ELP3: variants seen among roughly 807,000 people sequenced by gnomAD.
The protein encoded by ELP3 is elongator complex protein 3.
In ELP3, 56 loss-of-function variants were observed where a neutral mutation model predicts 74.9. The observed-to-expected ratio is 0.75, with a 90% CI of 0.60 to 0.93. The LOEUF (loss-of-function observed/expected upper bound fraction) is 0.93. Ranked by LOEUF, ELP3 falls within the 40% of genes least tolerant of loss-of-function variation. The pLI, the probability that ELP3 is intolerant of heterozygous loss-of-function variation, is 0.00. For missense variants in ELP3, 573 were observed against 686.5 expected (o/e 0.83, Z 1.85); for synonymous variants, 222 against 239.8 (o/e 0.93, Z 0.68).
At position 28,122,799 on chromosome 8, in the gene ELP3, A is replaced by G. The variant is rs552608961; in HGVS notation, c.618-6703A>G. 3.3e-5 allele frequency among the ~76,000 whole-genome samples: 5 copies of G among 152,070 alleles called. No individual in the cohort carries two copies. In the East Asian group the frequency reaches 7.7e-4, roughly 24 times the overall value. ...TTTTTATTCTACTTTCTTTCCGTTT[A>G]ATTGCTCTTCTTTTTCTAGTGATTT... On this transcript the variant is annotated intron_variant, in intron 7 of 14. Coordinates refer to ENST00000256398, the MANE Select transcript of ELP3 (RefSeq NM_018091.6).
intron 12 of ELP3, 137 bp downstream of exon 12, chr8:28,158,770 C>T (rs907349352): frequency 2.4e-5 from 17 of 695,106 alleles, no homozygotes; most frequent in South Asian, 4.1e-5. Flanking sequence ...GATTAGATAC[C>T]GGTGTCAAAC....
intron 7 of ELP3, among the ~76,000 whole-genome samples, chr8:28,117,105 A>G (rs1352908320): frequency 1.3e-5 from 2 of 152,112 alleles, no homozygotes; most frequent in African/African-American, 2.4e-5. Context: ...AAGACCTTAC[A>G]TATTAAGTGG....
chr8:28,123,425 T>C (rs907816437), intron 7 of ELP3, among the ~76,000 whole-genome samples: 1 of 152,206 alleles, frequency 6.6e-6, no homozygotes. Flanking sequence ...GAGACTTGTT[T>C]TGTGGCCCAG....
intron 1 of ELP3, 46 bp downstream of exon 1, chr8:28,093,279 G>C (rs1397898395): frequency 1.2e-6 from 2 of 1,609,432 alleles, no homozygotes; most frequent in African/African-American, 2.7e-5. Context: ...TCCGAAAGGG[G>C]CGAACGCCCA....
At chr8:28,129,293 A>G in intron 7 of ELP3, 1 of 546,488 alleles carries the variant, frequency 1.8e-6, no homozygotes, top group South Asian at 2.3e-5. Context: ...TTTTGCAGTT[A>G]AAGGAACCGA....
chr8:28,101,399 G>A (rs1811480379), intron 3 of ELP3, among the ~76,000 whole-genome samples: 3 of 151,830 alleles, frequency 2.0e-5, no homozygotes. Flanking sequence ...CAGCCTGGGC[G>A]AAAAAGCGAG....
chr8:28,162,811 G>A (rs1169218924), intron 14 of ELP3, among the ~76,000 whole-genome samples: 3 of 152,154 alleles, frequency 2.0e-5, no homozygotes, highest in Non-Finnish European at 2.9e-5. Flanking sequence ...GTGATAAACG[G>A]GAATGTTTAG....
Position 28,118,596 on chromosome 8 carries a change from G to A in ELP3, c.617+5423G>A, listed in dbSNP as rs116333619. On this transcript the variant is annotated intron_variant, in intron 7 of 14. Coordinates refer to ENST00000256398, the MANE Select transcript of ELP3 (RefSeq NM_018091.6). ...GCAACAATTACTGGTGACTGTCATCGTGTAACAATCAGGCTCTGGAGATGA... is the reference window on the plus strand; with the variant it reads ...GCAACAATTACTGGTGACTGTCATCATGTAACAATCAGGCTCTGGAGATGA... 4.6e-3 allele frequency among the ~76,000 whole-genome samples: 704 copies of A among 152,302 alleles called. 9 individuals are homozygous for A. Among genetic ancestry groups the A allele is most frequent in the African/African-American group, 0.016 (675 of 41,556 alleles).
intron 11 of ELP3, among the ~76,000 whole-genome samples, chr8:28,156,594 C>T (rs1393981350): frequency 6.6e-6 from 1 of 152,154 alleles, no homozygotes; most frequent in Admixed American, 6.5e-5. Flanking sequence ...GTTTAAAACT[C>T]CAGTGCTCAG....
At chr8:28,154,209 C>T (rs1813744230) in intron 10 of ELP3, among the ~76,000 whole-genome samples, 1 of 152,090 alleles carries the variant, frequency 6.6e-6, no homozygotes, top group African/African-American at 2.4e-5. Context: ...AAATAAGGTG[C>T]CTTTAAACAG....
intron 1 of ELP3, 145 bp downstream of exon 1, chr8:28,093,378 G>A: frequency 8.9e-7 from 1 of 1,118,722 alleles, no homozygotes; most frequent in Non-Finnish European, 1.3e-6. Context: ...TGTCCATTCT[G>A]GTCCCCGAGC....
At chr8:28,145,569 A>G (rs1453729009) in intron 10 of ELP3, among the ~76,000 whole-genome samples, 2 of 152,188 alleles carry the variant, frequency 1.3e-5, no homozygotes, top group African/African-American at 4.8e-5. Context: ...ATTATAGGCA[A>G]CACACTGTTG....
chr8:28,106,413 G>A (rs1014786095), intron 3 of ELP3, among the ~76,000 whole-genome samples: 7 of 150,770 alleles, frequency 4.6e-5, no homozygotes, highest in African/African-American at 1.2e-4. Flanking sequence ...AGTGGCGGGC[G>A]CCTGTAGTCC....
chr8:28,122,888 G>A (rs1554498013), intron 7 of ELP3, among the ~76,000 whole-genome samples: 4 of 152,152 alleles, frequency 2.6e-5, no homozygotes, highest in Non-Finnish European at 4.4e-5. Flanking sequence ...ACTTTGGGAG[G>A]TGAGGTGGGC....
chr8:28,117,868 A>G (rs1330421022), intron 7 of ELP3, among the ~76,000 whole-genome samples: 2 of 152,214 alleles, frequency 1.3e-5, no homozygotes, highest in African/African-American at 2.4e-5. Flanking sequence ...AGTTTGTGCT[A>G]TAGAACTAGA....
chr8:28,180,502 T>C (rs375106871), intron 14 of ELP3, among the ~76,000 whole-genome samples: 4 of 152,364 alleles, frequency 2.6e-5, no homozygotes, highest in African/African-American at 9.6e-5. Context: ...TTTCAGACAT[T>C]GAACATAGTA....
At chr8:28,132,473 G>C in intron 9 of ELP3, 69 bp downstream of exon 9, 1 of 1,596,502 alleles carries the variant, frequency 6.3e-7, no homozygotes, top group Non-Finnish European at 8.6e-7. Flanking sequence ...TGGTCTTGTT[G>C]CTTGTTCACT....
At position 28,155,980 on chromosome 8, in the gene ELP3, A is replaced by G. The variant is rs959181955; in HGVS notation, c.1139A>G (p.His380Arg). Residue 380 changes from histidine (H) to arginine (R), a missense_variant, in exon 11 of 15, where the codon CAT becomes CGT. Transcript: ENST00000256398. ...CCTTTAGTTAGCTCAGGAGTAGAGC[A>G]TGGTAACCTGAGAGAGCTGGCACTT... ...PMPLVSSGVE[H>R]GNLRELALAR... 3.7e-6 allele frequency: 6 copies of G among 1,614,020 alleles called. No individual in the cohort carries two copies. Among genetic ancestry groups the G allele is most frequent in the Non-Finnish European group, 5.1e-6 (6 of 1,179,878 alleles).
At chr8:28,101,714 C>G (rs1377718634) in intron 3 of ELP3, among the ~76,000 whole-genome samples, 2 of 152,062 alleles carry the variant, frequency 1.3e-5, no homozygotes, top group East Asian at 1.9e-4. Context: ...CTCAGCCTCC[C>G]AAGGAGCTGG....
Sources: allele counts gnomAD v4.1 joint callset (sites outside exome capture counted in the v4.1 genomes callset), GRCh38; gene constraint gnomAD v4.1.1; transcripts MANE v1.5; gene names NCBI Gene and HGNC (gene_info 2026-07-23, HGNC 2026-07-21).